KIF17: variants seen among roughly 807,000 people sequenced by gnomAD.
The protein encoded by KIF17 is kinesin-like protein KIF17.
KIF17 carries 80 observed loss-of-function variants against 96.8 expected under a neutral mutation model. The observed-to-expected ratio is 0.83, with a 90% CI of 0.69 to 1.00. The LOEUF (loss-of-function observed/expected upper bound fraction) is 1.00. KIF17 is among the 50% of genes least tolerant of loss of function. The pLI, the probability that KIF17 is intolerant of heterozygous loss-of-function variation, is 0.00. For missense variants in KIF17, 1,280 were observed against 1,372.9 expected, an observed-to-expected ratio of 0.93 and a Z score of 1.07; for synonymous variants, 567 against 587.5, an observed-to-expected ratio of 0.97 and a Z score of 0.51.
chr1:20,696,536 GCA>G (rs1255377733), intron 6 of KIF17, among the ~76,000 whole-genome samples: 1 of 151,846 alleles, frequency 6.6e-6, no homozygotes, highest in Non-Finnish European at 1.5e-5. Context: ...AGGGCAGAAG[GCA>G]CCCCCATCCG....
intron 8 of KIF17, 127 bp from the exon 9 acceptor site, chr1:20,686,253 G>C: frequency 2.6e-6 from 2 of 754,964 alleles, no homozygotes; most frequent in Admixed American, 4.0e-5. Flanking sequence ...TCCCCTGCCT[G>C]TCACTCCCGA....
At chr1:20,671,359 C>T (rs1031685000) in intron 12 of KIF17, among the ~76,000 whole-genome samples, 3 of 152,094 alleles carry the variant, frequency 2.0e-5, no homozygotes, top group Admixed American at 6.6e-5. Context: ...GAGACAGGGT[C>T]GCACTTTGTT....
In KIF17 at chr1:20,690,352, G is replaced by GCCCCCCC; in HGVS notation, c.1234-18_1234-17insGGGGGGG. ...TTCATACTCCTGGGGGGGTGGGAGG[G>GCCCCCCC]ACCAGAGGGCAGGCAGCATTTTATC... On this transcript the variant is annotated splice_polypyrimidine_tract_variant and intron_variant, in intron 6 of 14. Transcript: ENST00000400463. 16 of 451,072 alleles carry GCCCCCCC rather than the reference G, an allele frequency of 3.5e-5. No homozygotes were observed. Among genetic ancestry groups the GCCCCCCC allele is most frequent in the East Asian group, 6.0e-5 (1 of 16,744 alleles). The allele number at this position is 451,072 out of a possible 1,614,324, so 27.9% of individuals were successfully genotyped here.
chr1:20,676,939 A>C (rs1030359711), intron 11 of KIF17, among the ~76,000 whole-genome samples: 4 of 152,150 alleles, frequency 2.6e-5, no homozygotes, highest in African/African-American at 4.8e-5. Context: ...GGCTGTATGC[A>C]GTGGCTCATG....
chr1:20,661,799 G>A (rs1356701049), downstream of KIF17, among the ~76,000 whole-genome samples: 1 of 152,258 alleles, frequency 6.6e-6, no homozygotes, highest in Admixed American at 6.5e-5. Context: ...CACTGGGCCT[G>A]GGAAGGCTCG....
At position 20,709,924 on chromosome 1, in the gene KIF17, C is replaced by G. The variant is rs555998043; in HGVS notation, c.481-96G>C. 2.6e-6 allele frequency: 3 copies of G among 1,141,236 alleles called. No individual in the cohort carries two copies. Among genetic ancestry groups the G allele is most frequent in the Non-Finnish European group, 3.8e-6 (3 of 779,526 alleles). 70.7% of individuals were successfully genotyped at this position (1,141,236 alleles called of 1,614,324 possible). On this transcript the variant is annotated intron_variant, in intron 3 of 14. Transcript: ENST00000400463. The surrounding 1 kb of genome is among the most constrained non-coding windows in gnomAD (Gnocchi z 4.7). ...ACCAGAGAGAAGGGCCCCATCCAGA[C>G]CGCCCTCGCCCTCCTGTAATGCAGG...
intron 11 of KIF17, among the ~76,000 whole-genome samples, chr1:20,679,128 A>G (rs1256023731): frequency 6.6e-6 from 1 of 151,998 alleles, no homozygotes; most frequent in Non-Finnish European, 1.5e-5. Context: ...CCTGGGCAAC[A>G]TGGCAAAACC....
At position 20,664,265 on chromosome 1, in the gene KIF17, A is replaced by C. The variant is rs2053484591; in HGVS notation, c.*319T>G. The C allele has an allele frequency of 3.4e-6, 4 of 1,172,204 alleles. No individual in the cohort carries two copies. Among genetic ancestry groups the C allele is most frequent in the Non-Finnish European group, 4.4e-6 (4 of 904,278 alleles). 72.6% of individuals were successfully genotyped at this position (1,172,204 alleles called of 1,614,324 possible). Reference sequence around the variant, plus strand: ...TGGTGAAGGCCGTGAAGCAGGTCTCAGGCTTTGAGGCAAAGACCAACACTG... The same window carrying C: ...TGGTGAAGGCCGTGAAGCAGGTCTCCGGCTTTGAGGCAAAGACCAACACTG... On this transcript the variant is annotated 3_prime_UTR_variant, in exon 15 of 15. Coordinates refer to ENST00000400463, the MANE Select transcript of KIF17 (RefSeq NM_001122819.3).
intron 7 of KIF17, among the ~76,000 whole-genome samples, chr1:20,689,124 C>T (rs2053991014): frequency 1.3e-5 from 2 of 152,120 alleles, no homozygotes; most frequent in Non-Finnish European, 2.9e-5. Flanking sequence ...AGTCCTACCT[C>T]GCTGGACTGG....
chr1:20,715,742 C>G, intron 1 of KIF17, 103 bp from the exon 2 acceptor site: 2 of 1,373,144 alleles, frequency 1.5e-6, no homozygotes, highest in Non-Finnish European at 2.0e-6. Flanking sequence ...CCTGGTCCCC[C>G]CACCAACAAT....
chr1:20,673,533 ATTTT>A (rs35306944), intron 11 of KIF17, among the ~76,000 whole-genome samples: 1 of 134,772 alleles, frequency 7.4e-6, no homozygotes, highest in Non-Finnish European at 1.6e-5. Context: ...AGCCTGCTCC[ATTTT>A]TTTTTTTTTT....
Position 20,709,550 on chromosome 1 carries a change from G to A in KIF17, c.670+89C>T. ...GAGCATCTCTTCCCACTTTCCAGGG[G>A]CTCCTGCGGCCCCGAGAGGTGGCGT... On this transcript the variant is annotated intron_variant, in intron 4 of 14. Coordinates refer to ENST00000400463, the MANE Select transcript of KIF17 (RefSeq NM_001122819.3). The surrounding 1 kb of genome is among the most constrained non-coding windows in gnomAD (Gnocchi z 4.7). 7.0e-7 allele frequency: 1 copy of A among 1,438,590 alleles called. No homozygotes were observed. Among genetic ancestry groups the A allele is most frequent in the South Asian group, 1.2e-5 (1 of 86,808 alleles). The allele number at this position is 1,438,590 out of a possible 1,614,324, so 89.1% of individuals were successfully genotyped here.
intron 13 of KIF17, 111 bp downstream of exon 13, chr1:20,670,310 T>C (rs923291392): frequency 8.4e-6 from 9 of 1,070,208 alleles, no homozygotes; most frequent in Middle Eastern, 2.9e-4. Flanking sequence ...CTTTAATCCT[T>C]AGGCGGGAGG....
At chr1:20,696,479 T>C (rs1182346810) in intron 6 of KIF17, among the ~76,000 whole-genome samples, 2 of 152,060 alleles carry the variant, frequency 1.3e-5, no homozygotes, top group Admixed American at 6.5e-5. Flanking sequence ...TCTGACGCAG[T>C]GTCCACTAGG....
At chr1:20,713,301 AGTT>A in intron 3 of KIF17, among the ~76,000 whole-genome samples, 150 bp downstream of exon 3, 1 of 150,298 alleles carries the variant, frequency 6.7e-6, no homozygotes, top group Non-Finnish European at 1.5e-5. Context: ...TGCCTAAAAA[AGTT>A]TTTTTTAATT....
rs2054407351 is a variant in KIF17 at position 20,709,848 on chromosome 1, CA to C, written c.481-21del. The C allele has an allele frequency of 2.0e-5, 32 of 1,586,730 alleles. No individual in the cohort carries two copies. The highest frequency in any genetic ancestry group is 2.6e-5 in the Non-Finnish European group (30 of 1,166,462). ...CTTCAGCTGAGGGAGGAGGAACAGTCAGGGGCGGAACCTCCAGCCGCCAAGG... is the reference window on the plus strand; with the variant it reads ...CTTCAGCTGAGGGAGGAGGAACAGTCGGGGCGGAACCTCCAGCCGCCAAGG... On this transcript the variant is annotated intron_variant, in intron 3 of 14. Coordinates refer to ENST00000400463, the MANE Select transcript of KIF17 (RefSeq NM_001122819.3). The surrounding 1 kb of genome is among the most constrained non-coding windows in gnomAD (Gnocchi z 4.7).
At chr1:20,684,683 A>T in intron 10 of KIF17, 126 bp downstream of exon 10, 1 of 948,724 alleles carries the variant, frequency 1.1e-6, no homozygotes, top group Non-Finnish European at 1.6e-6. Flanking sequence ...AGAGAGGATC[A>T]GGGCCGCCCT....
chr1:20,664,716 G>A lies in KIF17; in HGVS notation c.2955C>T (p.Asn985=), dbSNP rs760365911. ...PPGLSCPLSN[N]SAIPPTQAPE... is the part of the protein sequence containing the mutation. The stretch of plus-strand genomic sequence containing the variant: ...GGGCCTGGGTGGGTGGGATGGCAGA[G>A]TTGTTGCTGAGTGGGCAGCTGAGGC... The change falls in exon 15 of 15, where the codon AAC becomes AAT. Residue 985 remains asparagine (N), a synonymous_variant. Transcript: ENST00000400463. 5.8e-5 allele frequency: 93 copies of A among 1,612,398 alleles called. No homozygotes were observed. The highest frequency in any genetic ancestry group is 7.5e-5 in the Non-Finnish European group (89 of 1,179,842).
chr1:20,686,049 C>T lies in KIF17; in HGVS notation c.2016G>A (p.Arg672=). Residue 672 remains arginine, a synonymous_variant, in exon 9 of 15, where the codon AGG becomes AGA. Coordinates refer to ENST00000400463, the MANE Select transcript of KIF17 (RefSeq NM_001122819.3). Reference sequence around the variant, plus strand: ...GGAGGCCCGGGGAGGTACTCACAGGCCTGGGCGGGAAGTCATCAGCCGCCT... The same window carrying T: ...GGAGGCCCGGGGAGGTACTCACAGGTCTGGGCGGGAAGTCATCAGCCGCCT... ...EAEAADDFPP[R]PEVDLASEVA... The T allele has an allele frequency of 6.4e-7, 1 of 1,555,250 alleles. No individual in the cohort carries two copies. The highest frequency in any genetic ancestry group is 1.2e-5 in the South Asian group (1 of 84,304).
Sources: gnomAD v4.1 joint callset for allele counts (sites outside exome capture counted in the v4.1 genomes callset) on GRCh38, gnomAD v4.1.1 for gene constraint, Gnocchi (gnomAD v3.1) non-coding constraint, MANE v1.5 for transcripts, NCBI Gene and HGNC (gene_info 2026-07-23, HGNC 2026-07-21) for gene names.